OR10H1: variants seen among roughly 807,000 people sequenced by gnomAD.
The protein encoded by OR10H1 is olfactory receptor 10H1.
Under a neutral mutation model 13.1 loss-of-function variants are expected in OR10H1, and 12 were observed. That is an observed-to-expected ratio of 0.92 (90% CI 0.59 to 1.48). The LOEUF (loss-of-function observed/expected upper bound fraction) is 1.48. Ranked by LOEUF, OR10H1 falls within the 40% of genes most tolerant of loss-of-function variation. OR10H1 has a pLI of 0.00. For synonymous variants in OR10H1, 168 were observed against 175.6 expected (o/e 0.96, Z 0.34); for missense variants, 363 against 413.1 (o/e 0.88, Z 1.05).
rs536927164 is a variant in OR10H1 at position 15,804,831 on chromosome 19, C to T, written c.*2250G>A. ...CCACAATGGGGAACTAGTTTACAGT[C>T]CCACCAACAGTGTAAAAGTGTTCCT... is the stretch of plus-strand genomic sequence containing the variant. On this transcript the variant is annotated 3_prime_UTR_variant, in exon 4 of 4. Coordinates refer to ENST00000641419, the MANE Select transcript of OR10H1 (RefSeq NM_013940.4). 4.6e-5 allele frequency: 7 copies of T among 152,306 alleles called. No homozygotes were observed. The highest frequency in any genetic ancestry group is 3.9e-4 in the Admixed American group (6 of 15,290). The allele number at this position is 152,306 out of a possible 1,614,324, so 9.4% of individuals were successfully genotyped here. A position where few individuals can be genotyped will look rare whatever the true frequency, so the allele number is the denominator to read the frequency against.
chr19:15,808,201 C>G (rs1236912680), intron 3 of OR10H1, 153 bp from the exon 4 acceptor site: 4 of 643,842 alleles, frequency 6.2e-6, no homozygotes, highest in Non-Finnish European at 1.1e-5. Flanking sequence ...CTCTCGTCAA[C>G]CTAGTGAGAA....
intron 3 of OR10H1, 66 bp from the exon 4 acceptor site, chr19:15,808,114 A>G (rs1599312208): frequency 7.3e-7 from 1 of 1,371,132 alleles, no homozygotes; most frequent in East Asian, 2.3e-5. Flanking sequence ...CCTTCCCCAT[A>G]CCTGGATTTG....
At chr19:15,808,155 G>T in intron 3 of OR10H1, 107 bp from the exon 4 acceptor site, 5 of 885,870 alleles carry the variant, frequency 5.6e-6, no homozygotes, top group Admixed American at 4.8e-5. Flanking sequence ...AAATGGTTTG[G>T]TTCCATTCCC....
intron 1 of OR10H1, among the ~76,000 whole-genome samples, chr19:15,813,881 G>C (rs1015196009): frequency 1.3e-5 from 2 of 151,716 alleles, no homozygotes; most frequent in African/African-American, 4.8e-5. Flanking sequence ...AGAGAGGTAG[G>C]GAGAAAGAGA....
At chr19:15,813,709 C>G (rs571043801) in intron 1 of OR10H1, among the ~76,000 whole-genome samples, 4 of 112,346 alleles carry the variant, frequency 3.6e-5, no homozygotes, top group African/African-American at 7.2e-5. Flanking sequence ...GGGAGAAAGA[C>G]ACAGAGAGAG....
chr19:15,814,445 T>TGTGTGTG, intron 1 of OR10H1, among the ~76,000 whole-genome samples: 1 of 102,062 alleles, frequency 9.8e-6, no homozygotes, highest in African/African-American at 3.6e-5. Flanking sequence ...GACGCCTCCC[T>TGTGTGTG]TGTGTGTGTG....
intron 1 of OR10H1, among the ~76,000 whole-genome samples, chr19:15,815,255 C>T (rs2088959843): frequency 2.0e-5 from 3 of 151,500 alleles, no homozygotes; most frequent in African/African-American, 2.4e-5. Flanking sequence ...GGAGAAGAAT[C>T]GCTTGAACCT....
At chr19:15,810,128 C>T (rs892707508) in intron 2 of OR10H1, among the ~76,000 whole-genome samples, 3 of 151,936 alleles carry the variant, frequency 2.0e-5, no homozygotes, top group Admixed American at 6.6e-5. Context: ...AACCCTGCCT[C>T]TACTAAAAAT....
Position 15,810,523 on chromosome 19 carries a change from C to T in OR10H1, c.-128-1682G>A, listed in dbSNP as rs143584327. Among the ~76,000 whole-genome samples, 823 of 151,968 alleles carry T rather than the reference C, an allele frequency of 5.4e-3. 9 individuals carry two copies. Among genetic ancestry groups the T allele is most frequent in the Non-Finnish European group, 0.01 (684 of 67,980 alleles). On this transcript the variant is annotated intron_variant, in intron 2 of 3. Transcript: ENST00000641419. ...AGCTTTATTCCTGTTTATGGCTGAACGATTTTCCATTTTATGAATATGCGT... is the reference window on the plus strand; with the variant it reads ...AGCTTTATTCCTGTTTATGGCTGAATGATTTTCCATTTTATGAATATGCGT...
chr19:15,814,478 TGTGAGAGAGAGAGAGAGAGAGA>T (rs1336284880), intron 1 of OR10H1, among the ~76,000 whole-genome samples: 23 of 26,494 alleles, frequency 8.7e-4, no homozygotes, highest in African/African-American at 3.8e-3. Flanking sequence ...TGTGTGTGTG[TGTGAGAGAGAGAGAGAGAGAGA>T]GAGAGAGAGA....
At position 15,806,683 on chromosome 19, in the gene OR10H1, T is replaced by A. The variant is rs1171903458; in HGVS notation, c.*398A>T. ...TTGGCATCCCAAGGTGCTGGAATTA[T>A]AAGTGTGAGCCACAGTGCTTGGCTG... is the stretch of plus-strand genomic sequence containing the variant. On this transcript the variant is annotated 3_prime_UTR_variant, in exon 4 of 4. Coordinates refer to ENST00000641419, the MANE Select transcript of OR10H1 (RefSeq NM_013940.4). 1 of 179,192 alleles carries A rather than the reference T, an allele frequency of 5.6e-6. No individual in the cohort carries two copies. The highest frequency in any genetic ancestry group is 1.2e-5 in the Non-Finnish European group (1 of 84,386). The allele number at this position is 179,192 out of a possible 1,614,324, so 11.1% of individuals were successfully genotyped here.
chr19:15,813,596 G>T (rs2088947031), intron 1 of OR10H1, among the ~76,000 whole-genome samples: 1 of 148,726 alleles, frequency 6.7e-6, no homozygotes, highest in Non-Finnish European at 1.5e-5. Context: ...GACACAGAGA[G>T]ATGTGGGGAA....
At chr19:15,811,131 T>C (rs1026615522) in intron 2 of OR10H1, among the ~76,000 whole-genome samples, 1 of 152,166 alleles carries the variant, frequency 6.6e-6, no homozygotes, top group Admixed American at 6.5e-5. Flanking sequence ...TCTTGGTCTC[T>C]CTTCCTGGAA....
At chr19:15,813,651 T>G (rs1273050729) in intron 1 of OR10H1, among the ~76,000 whole-genome samples, 793 of 54,808 alleles carry the variant, frequency 0.014, no homozygotes, top group Middle Eastern at 0.019. Context: ...GAGAGAGAAG[T>G]GGGGAGATAG....
Position 15,807,387 on chromosome 19 carries a change from G to T in OR10H1, c.651C>A (p.Leu217=), listed in dbSNP as rs1290767653. The change falls in exon 4 of 4, where the codon CTC becomes CTA. Residue 217 remains leucine, a synonymous_variant. Transcript: ENST00000641419. ...ALLGCFLLIL[L]SYAFIVAAIL... is the part of the protein sequence containing the mutation. ...TGGCGGCCACGATGAAGGCATAGGAGAGGAGGATGAGGAGAAAACAGCCCA... is the reference window on the plus strand; with the variant it reads ...TGGCGGCCACGATGAAGGCATAGGATAGGAGGATGAGGAGAAAACAGCCCA... 6.2e-7 allele frequency: 1 copy of T among 1,614,200 alleles called. No individual in the cohort carries two copies. Among genetic ancestry groups the T allele is most frequent in the Non-Finnish European group, 8.5e-7 (1 of 1,180,042 alleles).
Position 15,807,285 on chromosome 19 carries a change from C to T in OR10H1, c.753G>A (p.Val251=). The stretch of plus-strand genomic sequence containing the variant: ...AAATGACGGAGGCAAAGCCATAGTG[C>T]ACGACCACCACAGTGAGGTGAGAGG... The part of the protein sequence containing the change: ...TCASHLTVVV[V]HYGFASVIYL... The change falls in exon 4 of 4, where the codon GTG becomes GTA. Residue 251 remains valine (V), a synonymous_variant. Coordinates refer to ENST00000641419, the MANE Select transcript of OR10H1 (RefSeq NM_013940.4). 1 of 1,614,122 alleles carries T rather than the reference C, an allele frequency of 6.2e-7. No individual in the cohort carries two copies. The highest frequency in any genetic ancestry group is 8.5e-7 in the Non-Finnish European group (1 of 1,180,018).
At chr19:15,815,273 G>A (rs987765876) in intron 1 of OR10H1, among the ~76,000 whole-genome samples, 5 of 151,736 alleles carry the variant, frequency 3.3e-5, no homozygotes, top group Non-Finnish European at 7.4e-5. Flanking sequence ...CCTGGCAGGC[G>A]GAGGTTGCAG....
intron 2 of OR10H1, among the ~76,000 whole-genome samples, chr19:15,810,293 C>CAAAAA (rs56079033): frequency 1.9e-5 from 2 of 107,342 alleles, no homozygotes; most frequent in Non-Finnish European, 1.8e-5. Flanking sequence ...GACTCCTTCT[C>CAAAAA]AAAAAAAAAA....
At chr19:15,810,289 T>G (rs8102640) in intron 2 of OR10H1, among the ~76,000 whole-genome samples, 35,790 of 102,560 alleles carry the variant, frequency 0.35, 5,325 homozygotes, top group African/African-American at 0.43. Context: ...GCAAGACTCC[T>G]TCTCAAAAAA....
Sources: allele counts gnomAD v4.1 joint callset (sites outside exome capture counted in the v4.1 genomes callset), GRCh38; gene constraint gnomAD v4.1.1; transcripts MANE v1.5; gene names NCBI Gene and HGNC (gene_info 2026-07-23, HGNC 2026-07-21).